Variants in FLG observed in about 807,000 individuals in gnomAD.
The protein encoded by FLG is epidermal filaggrin.
In FLG, 6 loss-of-function variants were observed where a neutral mutation model predicts 3.8. That is an observed-to-expected ratio of 1.60 (90% CI 0.87 to 3.15). FLG has a LOEUF of 3.15. Among genes scored for constraint, FLG ranks in the 30% most tolerant of loss-of-function variants. The pLI, the probability that FLG is intolerant of heterozygous loss-of-function variation, is 0.00. For synonymous variants in FLG, 2,551 were observed against 1,931.6 expected (o/e 1.32, Z -8.41); for missense variants, 7,595 against 5,050.9 (o/e 1.50, Z -15.27).
At position 152,313,157 on chromosome 1, in the gene FLG, A is replaced by T. The variant is rs1652583869; in HGVS notation, c.1729T>A (p.Ser577Thr). ...CCTGAGTGCCTGGTGCCGTCTCCTG[A>T]TTGTTCCTCATTTCGTGTTTGTCTG... ...ASRQTRNEEQSGDGTRHSGSR... is the reference protein window; with the variant it reads ...ASRQTRNEEQTGDGTRHSGSR... The change falls in exon 3 of 3, where the codon TCA (serine) becomes ACA (threonine). Residue 577 changes from serine to threonine, a missense_variant. Physicochemically the swap from Ser to Thr is moderately conservative, Grantham distance 58. Transcript: ENST00000368799. The T allele has an allele frequency of 6.2e-7, 1 of 1,613,150 alleles. No homozygotes were observed. Among genetic ancestry groups the T allele is most frequent in the Non-Finnish European group, 8.5e-7 (1 of 1,179,870 alleles).
Position 152,314,002 on chromosome 1 carries a change from G to T in FLG, c.884C>A (p.Ser295Tyr). The change falls in exon 3 of 3, where the codon TCC becomes TAC. Residue 295 changes from serine to tyrosine, a missense_variant. Transcript: ENST00000368799. ...ACTGTCCCTGTCCTGGCTAACTCTGGATCCCCTACGCTTTCTTGTCCTGGA... is the reference window on the plus strand; with the variant it reads ...ACTGTCCCTGTCCTGGCTAACTCTGTATCCCCTACGCTTTCTTGTCCTGGA... ...QESRTRKRRG[S>Y]RVSQDRDSEG... 1 of 1,614,160 alleles carries T rather than the reference G, an allele frequency of 6.2e-7. No individual in the cohort carries two copies. The highest frequency in any genetic ancestry group is 8.5e-7 in the Non-Finnish European group (1 of 1,180,038).
chr1:152,314,166 C>T lies in FLG; in HGVS notation c.720G>A (p.Gln240=). The T allele has an allele frequency of 5.0e-6, 8 of 1,614,134 alleles. No individual in the cohort carries two copies. Among genetic ancestry groups the T allele is most frequent in the Non-Finnish European group, 5.9e-6 (7 of 1,180,026 alleles). ...SGHIATYYTI[Q]DEAYDTTDSL... ...TATCAGTGGTGTCATAGGCTTCATC[C>T]TGGATTGTGTAATATGTGGCAATAT... Residue 240 remains glutamine (Q), a synonymous_variant, in exon 3 of 3, where the codon CAG becomes CAA. Coordinates refer to ENST00000368799, the MANE Select transcript of FLG (RefSeq NM_002016.2).
At position 152,304,133 on chromosome 1, in the gene FLG, T is replaced by A; in HGVS notation, c.10753A>T (p.Arg3585Ter). Residue 3585 changes from arginine (R) to a stop codon, truncating the protein, a stop_gained, in exon 3 of 3, where the codon AGA becomes TGA. Transcript: ENST00000368799. LOFTEE classifies it low-confidence loss of function (END_TRUNC). ...SRHPTSHHED[R>*]AGHGHSAESS... ...TCTGCAGAGTGCCCGTGACCGGCTC[T>A]GTCTTCGTGATGGGACGTGGGGTGT... is the stretch of plus-strand genomic sequence containing the variant. 1 of 1,590,284 alleles carries A rather than the reference T, an allele frequency of 6.3e-7. No individual in the cohort carries two copies. Among genetic ancestry groups the A allele is most frequent in the Non-Finnish European group, 8.6e-7 (1 of 1,169,208 alleles).
At chr1:152,320,642 G>A (rs1425035572) in intron 1 of FLG, among the ~76,000 whole-genome samples, 1 of 150,980 alleles carries the variant, frequency 6.6e-6, no homozygotes, top group African/African-American at 2.4e-5. Flanking sequence ...ACTTCTCTCA[G>A]CAACTGATAG....
In FLG at chr1:152,304,341, G is replaced by C. The variant is rs1343196020; in HGVS notation, c.10545C>G (p.Ser3515Arg). The C allele has an allele frequency of 6.2e-7, 1 of 1,611,932 alleles. No individual in the cohort carries two copies. Among genetic ancestry groups the C allele is most frequent in the Admixed American group, 1.7e-5 (1 of 59,860 alleles). The change falls in exon 3 of 3, where the codon AGC (serine) becomes AGG (arginine). Residue 3515 changes from serine (S) to arginine (R), a missense_variant. Coordinates refer to ENST00000368799, the MANE Select transcript of FLG (RefSeq NM_002016.2). ...CCTGGCCGGACTGTGAGTGTCTAGA[G>C]CTGTCCGCCTGAGTGGAAGCTTCAT... ...HHHEASTQAD[S>R]SRHSQSGQGQ...
At position 152,310,732 on chromosome 1, in the gene FLG, C is replaced by A. The variant is rs757798135; in HGVS notation, c.4154G>T (p.Ser1385Ile). Reference protein sequence around the residue: ...HRQASSAVRDSGHRGSSGSQV... With the variant: ...HRQASSAVRDIGHRGSSGSQV... ...ACTACCACTGGACCCTCGGTGTCCA[C>A]TGTCTCTGACTGCAGATGAAGCTTG... is the stretch of plus-strand genomic sequence containing the variant. Residue 1385 changes from serine (S) to isoleucine (I), a missense_variant, in exon 3 of 3, where the codon AGT becomes ATT. By Grantham distance (142) the Ser-to-Ile change is moderately radical. Transcript: ENST00000368799. The A allele has an allele frequency of 1.9e-6, 3 of 1,614,104 alleles. No individual in the cohort carries two copies. Among genetic ancestry groups the A allele is most frequent in the South Asian group, 1.1e-5 (1 of 91,072 alleles).
rs1328181851 is a variant in FLG at position 152,304,530 on chromosome 1, T to G, written c.10356A>C (p.Gln3452His). The change falls in exon 3 of 3, where the codon CAA (glutamine) becomes CAC (histidine). Residue 3452 changes from glutamine (Q) to histidine (H), a missense_variant. Gln to His is a conservative substitution (Grantham distance 24). Coordinates refer to ENST00000368799, the MANE Select transcript of FLG (RefSeq NM_002016.2). ...RRGRQGSHYE[Q>H]SVDRSGHSGS... Reference sequence around the variant, plus strand: ...CTGAGTGTCCAGACCTATCTACCGATTGCTCGTAGTGGGATCCCTGCCTTC... The same window carrying G: ...CTGAGTGTCCAGACCTATCTACCGAGTGCTCGTAGTGGGATCCCTGCCTTC... 8 of 1,611,842 alleles carry G rather than the reference T, an allele frequency of 5.0e-6. 1 individual carries two copies. The highest frequency in any genetic ancestry group is 2.7e-5 in the African/African-American group (2 of 74,504).
In FLG at chr1:152,311,906, C is replaced by T. The variant is rs149595328; in HGVS notation, c.2980G>A (p.Gly994Ser). Residue 994 changes from glycine (G) to serine (S), a missense_variant, in exon 3 of 3, where the codon GGT becomes AGT. Transcript: ENST00000368799. ...GAGCTGTCTGCAGAGTGCCCGTGAC[C>T]GGCTCTGTCTTCGTGATGGGACCTG... ...HPRSHHEDRA[G>S]HGHSADSSRQ... The T allele has an allele frequency of 6.2e-4, 1,005 of 1,613,748 alleles. 3 individuals are homozygous for T. The African/African-American group carries it at 0.011, about 17-fold the overall frequency.
intron 1 of FLG, among the ~76,000 whole-genome samples, chr1:152,318,174 T>C (rs563971292): frequency 1.3e-5 from 2 of 152,080 alleles, no homozygotes; most frequent in South Asian, 4.1e-4. Flanking sequence ...CTGCTTCATT[T>C]CACAGGAGTC....
At chr1:152,321,822 C>T (rs929236994) in intron 1 of FLG, among the ~76,000 whole-genome samples, 3 of 151,094 alleles carry the variant, frequency 2.0e-5, no homozygotes, top group Admixed American at 6.6e-5. Context: ...AAACTGGCCT[C>T]AGTACCATAA....
In FLG at chr1:152,313,291, T is replaced by A. The variant is rs1219113421; in HGVS notation, c.1595A>T (p.His532Leu). ...TCCAGACCTATTTACCGATTGCTCG[T>A]GGTGGGATCCCTGCCTTCCTCCTCT... ...SSRGGRQGSHHEQSVNRSGHS... is the reference protein window; with the variant it reads ...SSRGGRQGSHLEQSVNRSGHS... The change falls in exon 3 of 3, where the codon CAC becomes CTC. Residue 532 changes from histidine to leucine, a missense_variant. Physicochemically the swap from His to Leu is moderately conservative, Grantham distance 99 (BLOSUM62 -3). Coordinates refer to ENST00000368799, the MANE Select transcript of FLG (RefSeq NM_002016.2). 4 of 1,613,848 alleles carry A rather than the reference T, an allele frequency of 2.5e-6. No individual in the cohort carries two copies. The highest frequency in any genetic ancestry group is 3.4e-6 in the Non-Finnish European group (4 of 1,179,990).
rs746367318 is a variant in FLG, at chr1:152,310,291, T to C, written c.4595A>G (p.His1532Arg). 53 of 1,613,698 alleles carry C rather than the reference T, an allele frequency of 3.3e-5. No homozygotes were observed. The highest frequency in any genetic ancestry group is 4.2e-5 in the Non-Finnish European group (50 of 1,179,968). Residue 1532 changes from histidine (H) to arginine (R), a missense_variant, in exon 3 of 3, where the codon CAT becomes CGT. By Grantham distance (29) the His-to-Arg change is conservative. Transcript: ENST00000368799. ...TGCACTTCTGGGTCCTGACTGCCCATGGGAGGCATCAGACCTTCCCTGGGG... is the reference window on the plus strand; with the variant it reads ...TGCACTTCTGGGTCCTGACTGCCCACGGGAGGCATCAGACCTTCCCTGGGG... The part of the protein sequence containing the change: ...TTPQGRSDAS[H>R]GQSGPRSASR...
Position 152,310,960 on chromosome 1 carries a change from G to C in FLG, c.3926C>G (p.Pro1309Arg), listed in dbSNP as rs373669426. The C allele has an allele frequency of 1.9e-6, 3 of 1,613,866 alleles. No individual in the cohort carries two copies. In the African/African-American group the frequency reaches 4.0e-5, roughly 22 times the overall value. Reference protein sequence around the residue: ...REQSRDGSRHPGFHQEDRASH... With the variant: ...REQSRDGSRHRGFHQEDRASH... ...GGCTCTGTCTTCTTGATGGAACCCA[G>C]GGTGTCTGGAGCCATCTCTTGACTG... Residue 1309 changes from proline (P) to arginine (R), a missense_variant, in exon 3 of 3, where the codon CCT (proline) becomes CGT (arginine). By Grantham distance (103) the Pro-to-Arg change is moderately radical. Transcript: ENST00000368799.
Position 152,302,374 on chromosome 1 carries a change from T to C in FLG, c.*326A>G, listed in dbSNP as rs1266649535. On this transcript the variant is annotated 3_prime_UTR_variant, in exon 3 of 3. Transcript: ENST00000368799. Reference sequence around the variant, plus strand: ...TCGATATTTCTGAAAAAGATTAATTTAGAAATTTGGGGAGTGTCTAAAACT... The same window carrying C: ...TCGATATTTCTGAAAAAGATTAATTCAGAAATTTGGGGAGTGTCTAAAACT... 6.4e-6 allele frequency: 2 copies of C among 312,564 alleles called. No individual in the cohort carries two copies. Among genetic ancestry groups the C allele is most frequent in the Non-Finnish European group, 1.2e-5 (2 of 169,070 alleles). The allele number at this position is 312,564 out of a possible 1,614,324, so 19.4% of individuals were successfully genotyped here. A position where few individuals can be genotyped will look rare whatever the true frequency, so the allele number is the denominator to read the frequency against.
At position 152,315,372 on chromosome 1, in the gene FLG, T is replaced by TCA. The variant is rs1193300583; in HGVS notation, c.83_84dup (p.Ser29Ter). ...AGAAGTTCCTTCAGCTCTTTTTTACTCAATGTGTCAGTGTTTTTATCTTTT... is the reference window on the plus strand; with the variant it reads ...AGAAGTTCCTTCAGCTCTTTTTTACTCACAATGTGTCAGTGTTTTTATCTTTT... On this transcript the variant is annotated frameshift_variant, in exon 2 of 3. Coordinates refer to ENST00000368799, the MANE Select transcript of FLG (RefSeq NM_002016.2). LOFTEE classifies it high-confidence loss of function. 2 of 1,613,228 alleles carry TCA rather than the reference T, an allele frequency of 1.2e-6. No homozygotes were observed. The highest frequency in any genetic ancestry group is 2.2e-5 in the South Asian group (2 of 90,994).
intron 1 of FLG, among the ~76,000 whole-genome samples, chr1:152,323,646 C>T (rs1653051694): frequency 6.6e-6 from 1 of 150,840 alleles, no homozygotes. Flanking sequence ...CTTGACAATA[C>T]CAAATATTGG....
rs747972455 is a variant in FLG, at chr1:152,311,192, G to T, written c.3694C>A (p.His1232Asn). Residue 1232 changes from histidine to asparagine, a missense_variant, in exon 3 of 3, where the codon CAC becomes AAC. Coordinates refer to ENST00000368799, the MANE Select transcript of FLG (RefSeq NM_002016.2). ...KDKQSGDGSRHSGSRHHEAAS... is the reference protein window; with the variant it reads ...KDKQSGDGSRNSGSRHHEAAS... ...GCTTCATGGTGACGTGACCCTGAGTGCCTGGAGCCGTCTCCTGATTGTTTG... is the reference window on the plus strand; with the variant it reads ...GCTTCATGGTGACGTGACCCTGAGTTCCTGGAGCCGTCTCCTGATTGTTTG... The T allele has an allele frequency of 5.4e-5, 87 of 1,613,736 alleles. No homozygotes were observed. The highest frequency in any genetic ancestry group is 3.0e-4 in the Admixed American group (18 of 59,978).
chr1:152,309,725 C>A lies in FLG; in HGVS notation c.5161G>T (p.Asp1721Tyr). The A allele has an allele frequency of 6.2e-7, 1 of 1,614,080 alleles. No individual in the cohort carries two copies. The highest frequency in any genetic ancestry group is 1.1e-5 in the South Asian group (1 of 91,066). Residue 1721 changes from aspartate (D) to tyrosine (Y), a missense_variant, in exon 3 of 3, where the codon GAC becomes TAC. Physicochemically the swap from Asp to Tyr is radical, Grantham distance 160. Coordinates refer to ENST00000368799, the MANE Select transcript of FLG (RefSeq NM_002016.2). ...NRGSSGSQAS[D>Y]SEGHSEESDT... Reference sequence around the variant, plus strand: ...GACTCTTCTGAGTGTCCCTCGCTGTCACTGGCCTGGCTACCACTGGACCCT... The same window carrying A: ...GACTCTTCTGAGTGTCCCTCGCTGTAACTGGCCTGGCTACCACTGGACCCT...
In FLG at chr1:152,313,335, A is replaced by G. The variant is rs1652595619; in HGVS notation, c.1551T>C (p.Arg517=). The G allele has an allele frequency of 6.2e-7, 1 of 1,613,426 alleles. No individual in the cohort carries two copies. Among genetic ancestry groups the G allele is most frequent in the Non-Finnish European group, 8.5e-7 (1 of 1,179,902 alleles). Residue 517 remains arginine, a synonymous_variant, in exon 3 of 3, where the codon CGT becomes CGC. Coordinates refer to ENST00000368799, the MANE Select transcript of FLG (RefSeq NM_002016.2). ...CTCCTCTGCTTGACCCCGGGTGTCC[A>G]CGAATGGTGTCCTGACCCTCTTGGG... ...SASQEGQDTI[R]GHPGSSRGGR...
Sources: gnomAD v4.1 joint callset for allele counts (sites outside exome capture counted in the v4.1 genomes callset) on GRCh38, gnomAD v4.1.1 for gene constraint, MANE v1.5 for transcripts, NCBI Gene and HGNC (gene_info 2026-07-23, HGNC 2026-07-21) for gene names.